MAML2: variants seen among roughly 807,000 people sequenced by gnomAD.
MAML2 encodes mastermind-like protein 2.
Under a neutral mutation model 96.1 loss-of-function variants are expected in MAML2, and 22 were observed. The observed-to-expected ratio is 0.23, with a 90% CI of 0.16 to 0.33. MAML2 has a LOEUF of 0.33. MAML2 is among the 10% of genes least tolerant of loss of function. The pLI is 1.00. For synonymous variants in MAML2, 561 were observed against 521.3 expected (o/e 1.08, Z -1.04); for missense variants, 1,367 against 1,392.4 (o/e 0.98, Z 0.29).
chr11:96,056,149 T>G (rs11608115), intron 2 of MAML2, among the ~76,000 whole-genome samples: 27,369 of 152,072 alleles, frequency 0.18, 2,627 homozygotes, highest in East Asian at 0.34. Flanking sequence ...CAAATTACTT[T>G]TGGGTTCACC....
At chr11:96,088,129 A>C (rs1859647992) in intron 2 of MAML2, among the ~76,000 whole-genome samples, 1 of 152,234 alleles carries the variant, frequency 6.6e-6, no homozygotes, top group Non-Finnish European at 1.5e-5. Flanking sequence ...TATGGTGTAG[A>C]GAAGGATAAA....
chr11:96,253,388 C>T (rs1406262658), intron 1 of MAML2, among the ~76,000 whole-genome samples: 2 of 152,192 alleles, frequency 1.3e-5, no homozygotes, highest in Non-Finnish European at 2.9e-5. Flanking sequence ...GCTCCCCTTC[C>T]TTACTCAACA....
At chr11:96,166,215 A>ACACCCC (rs1372110272) in intron 1 of MAML2, among the ~76,000 whole-genome samples, 74 of 145,260 alleles carry the variant, frequency 5.1e-4, no homozygotes, top group Non-Finnish European at 8.5e-4. Flanking sequence ...ACACACACAC[A>ACACCCC]CCCCACATTA....
intron 1 of MAML2, among the ~76,000 whole-genome samples, chr11:96,158,816 G>A (rs1000776744): frequency 1.4e-4 from 22 of 152,258 alleles, no homozygotes; most frequent in African/African-American, 4.3e-4. Context: ...AGGCTTCATC[G>A]TCCCAGACTT....
chr11:96,083,000 G>A (rs1374726245), intron 2 of MAML2, among the ~76,000 whole-genome samples: 1 of 152,124 alleles, frequency 6.6e-6, no homozygotes, highest in African/African-American at 2.4e-5. Context: ...AAAGGAGAGA[G>A]TAAAGATGTA....
In MAML2 at chr11:96,216,902, G is replaced by A. The variant is rs541514657; in HGVS notation, c.514-123385C>T. Among the ~76,000 whole-genome samples the A allele has an allele frequency of 2.0e-5, 3 of 152,302 alleles. No individual in the cohort carries two copies. In the East Asian group the frequency reaches 5.8e-4, roughly 29 times the overall value. On this transcript the variant is annotated intron_variant, in intron 1 of 4. Coordinates refer to ENST00000524717, the MANE Select transcript of MAML2 (RefSeq NM_032427.4). ...ACTTGAAAAAGCAAAGGTTCACCAG[G>A]AGACAAAGGGCAGGGGTAATTCCAC...
At chr11:96,132,644 T>C (rs958635725) in intron 1 of MAML2, among the ~76,000 whole-genome samples, 1 of 152,226 alleles carries the variant, frequency 6.6e-6, no homozygotes, top group Non-Finnish European at 1.5e-5. Context: ...ATAGTGGAGA[T>C]GGATATAGCG....
intron 2 of MAML2, among the ~76,000 whole-genome samples, chr11:96,076,428 TCTCTCACACACACACACA>T (rs1859437897): frequency 1.1e-5 from 1 of 88,216 alleles, no homozygotes; most frequent in African/African-American, 4.9e-5. Context: ...TCTCTCTCTC[TCTCTCACACACACACACA>T]CACACACACA....
chr11:96,210,584 C>G (rs1309505985), intron 1 of MAML2, among the ~76,000 whole-genome samples: 1 of 152,160 alleles, frequency 6.6e-6, no homozygotes. Flanking sequence ...AGTCCTCTGA[C>G]AAGTCAATCA....
At chr11:96,024,205 G>A (rs535691270) in intron 2 of MAML2, among the ~76,000 whole-genome samples, 4 of 152,332 alleles carry the variant, frequency 2.6e-5, no homozygotes, top group East Asian at 3.9e-4. Flanking sequence ...TGAAAGAGTT[G>A]CGATAGTAGA....
intron 1 of MAML2, among the ~76,000 whole-genome samples, chr11:96,165,687 G>A (rs117556919): frequency 2.0e-5 from 3 of 152,162 alleles, no homozygotes; most frequent in Admixed American, 6.5e-5. Flanking sequence ...GATACATATC[G>A]ACAAATTGTC....
chr11:96,306,820 G>T (rs1330414575), intron 1 of MAML2, among the ~76,000 whole-genome samples: 1 of 152,146 alleles, frequency 6.6e-6, no homozygotes, highest in Non-Finnish European at 1.5e-5. Flanking sequence ...GTCTTTATAT[G>T]TAAAGCAGAA....
intron 1 of MAML2, among the ~76,000 whole-genome samples, chr11:96,250,866 T>C (rs1363792292): frequency 6.6e-6 from 1 of 152,162 alleles, no homozygotes; most frequent in African/African-American, 2.4e-5. Flanking sequence ...TTCTTCATAT[T>C]GCAAAAAGAG....
intron 2 of MAML2, among the ~76,000 whole-genome samples, chr11:96,049,989 T>G (rs1331718671): frequency 6.6e-6 from 1 of 152,232 alleles, no homozygotes; most frequent in African/African-American, 2.4e-5. Context: ...GTGTTGGAAT[T>G]CACTCACGTT....
intron 2 of MAML2, among the ~76,000 whole-genome samples, chr11:96,077,215 C>CTTTTTTTTT (rs1565207022): frequency 2.1e-4 from 13 of 61,832 alleles, no homozygotes; most frequent in African/African-American, 7.5e-4. Context: ...CCAACTCTCT[C>CTTTTTTTTT]TCTCTTTTTT....
chr11:95,981,151 T>A (rs529294820), intron 4 of MAML2, among the ~76,000 whole-genome samples: 2 of 152,358 alleles, frequency 1.3e-5, no homozygotes, highest in African/African-American at 4.8e-5. Context: ...TTTTGCCGAA[T>A]AAATTCCATT....
intron 1 of MAML2, among the ~76,000 whole-genome samples, chr11:96,286,796 G>A (rs1163083214): frequency 6.6e-6 from 1 of 152,170 alleles, no homozygotes; most frequent in East Asian, 1.9e-4. Context: ...TTCCATATAA[G>A]CTTCCTCATC....
chr11:95,983,134 C>T (rs1192015267), intron 4 of MAML2, among the ~76,000 whole-genome samples: 1 of 152,010 alleles, frequency 6.6e-6, no homozygotes, highest in Non-Finnish European at 1.5e-5. Context: ...GAGGTGACAG[C>T]TCCATGTGTG....
intron 1 of MAML2, among the ~76,000 whole-genome samples, chr11:96,313,667 A>G (rs1863585543): frequency 6.6e-6 from 1 of 152,142 alleles, no homozygotes; most frequent in Admixed American, 6.5e-5. Context: ...TACTAAGCCA[A>G]TCCTACAAGG....
Sources: gnomAD v4.1 joint callset for allele counts (sites outside exome capture counted in the v4.1 genomes callset) on GRCh38, gnomAD v4.1.1 for gene constraint, MANE v1.5 for transcripts, NCBI Gene and HGNC (gene_info 2026-07-23, HGNC 2026-07-21) for gene names.